The following TIMP3 variants were observed in gnomAD, a reference collection of about 807,000 sequenced individuals.
TIMP3 encodes the protein metalloproteinase inhibitor 3.
Under a neutral mutation model 30.0 loss-of-function variants are expected in TIMP3, and 11 were observed. The observed-to-expected ratio is 0.37, with a 90% CI of 0.23 to 0.61. The LOEUF (loss-of-function observed/expected upper bound fraction) is 0.61. Among genes scored for constraint, TIMP3 ranks in the 20% least tolerant of loss-of-function variants. TIMP3 has a pLI of 0.70. For synonymous variants in TIMP3, 112 were observed against 111.3 expected (o/e 1.01, Z -0.04); for missense variants, 181 against 276.8 (o/e 0.65, Z 2.45).
intron 2 of TIMP3, among the ~76,000 whole-genome samples, chr22:32,853,762 TTTTA>T (rs1293239934): frequency 6.6e-6 from 1 of 152,256 alleles, no homozygotes; most frequent in African/African-American, 2.4e-5. Flanking sequence ...CTAAGCTAAC[TTTTA>T]TTGAATGTTG....
intron 1 of TIMP3, among the ~76,000 whole-genome samples, chr22:32,848,423 C>G (rs1206386862): frequency 6.6e-6 from 1 of 152,172 alleles, no homozygotes; most frequent in Non-Finnish European, 1.5e-5. Context: ...GGTTTCACTT[C>G]TTGGTCTGTT....
At chr22:32,841,329 G>C (rs1192563673) in intron 1 of TIMP3, among the ~76,000 whole-genome samples, 1 of 152,172 alleles carries the variant, frequency 6.6e-6, no homozygotes, top group African/African-American at 2.4e-5. Context: ...CACAGTGTCA[G>C]GGGCCAAGGG....
chr22:32,847,460 A>G (rs917333897), intron 1 of TIMP3, among the ~76,000 whole-genome samples: 2 of 152,206 alleles, frequency 1.3e-5, no homozygotes, highest in Non-Finnish European at 2.9e-5. Flanking sequence ...GTGTTTTGCC[A>G]TCGCCGGCAG....
intron 1 of TIMP3, among the ~76,000 whole-genome samples, chr22:32,818,828 C>A (rs1157359000): frequency 6.6e-6 from 1 of 152,158 alleles, no homozygotes; most frequent in Non-Finnish European, 1.5e-5. Context: ...GCTCAGAGAC[C>A]AGGAGGAATC....
intron 1 of TIMP3, among the ~76,000 whole-genome samples, chr22:32,823,752 G>A (rs2047321709): frequency 1.3e-5 from 2 of 152,038 alleles, no homozygotes; most frequent in Admixed American, 1.3e-4. Context: ...GACTTGGAGT[G>A]AAAAGACGTG....
At chr22:32,803,495 A>G (rs1310267274) in intron 1 of TIMP3, among the ~76,000 whole-genome samples, 1 of 152,020 alleles carries the variant, frequency 6.6e-6, no homozygotes, top group Non-Finnish European at 1.5e-5. Flanking sequence ...CCCTTGTAAG[A>G]GGCTCCCTGG....
intron 1 of TIMP3, among the ~76,000 whole-genome samples, chr22:32,846,039 T>G (rs1351836705): frequency 6.6e-5 from 10 of 152,164 alleles, no homozygotes; most frequent in Admixed American, 6.5e-4. Flanking sequence ...AGAATCTATT[T>G]GGAGGGCAGA....
chr22:32,813,228 G>A (rs1189833118), intron 1 of TIMP3, among the ~76,000 whole-genome samples: 4 of 152,148 alleles, frequency 2.6e-5, no homozygotes, highest in Non-Finnish European at 5.9e-5. Flanking sequence ...TACTAAAAAT[G>A]ATTTCTTTAT....
intron 2 of TIMP3, among the ~76,000 whole-genome samples, chr22:32,852,006 A>G (rs567478811): frequency 7.7e-4 from 117 of 152,336 alleles, no homozygotes; most frequent in African/African-American, 2.6e-3. Context: ...GGATACAAAG[A>G]TAACACTGCT....
intron 1 of TIMP3, among the ~76,000 whole-genome samples, chr22:32,803,494 G>T (rs756302194): frequency 2.6e-5 from 4 of 152,140 alleles, no homozygotes; most frequent in Admixed American, 2.0e-4. Context: ...ACCCTTGTAA[G>T]AGGCTCCCTG....
At chr22:32,815,098 A>G (rs887107842) in intron 1 of TIMP3, among the ~76,000 whole-genome samples, 3 of 152,354 alleles carry the variant, frequency 2.0e-5, no homozygotes, top group East Asian at 3.9e-4. Context: ...AGTGGCCGCC[A>G]TGTTAATACT....
chr22:32,820,957 T>A (rs2047229665), intron 1 of TIMP3, among the ~76,000 whole-genome samples: 1 of 152,192 alleles, frequency 6.6e-6, no homozygotes, highest in Non-Finnish European at 1.5e-5. Context: ...TTAATTGGCT[T>A]CAAGGTCTCT....
Position 32,837,472 on chromosome 22 carries a change from C to A in TIMP3, c.122-11980C>A, listed in dbSNP as rs2047767913. Among the ~76,000 whole-genome samples the A allele has an allele frequency of 6.6e-6, 1 of 152,100 alleles. No individual in the cohort carries two copies. Among genetic ancestry groups the A allele is most frequent in the Non-Finnish European group, 1.5e-5 (1 of 68,030 alleles). On this transcript the variant is annotated intron_variant, in intron 1 of 4. Coordinates refer to ENST00000266085, the MANE Select transcript of TIMP3 (RefSeq NM_000362.5). The surrounding 1 kb of genome is among the most constrained non-coding windows in gnomAD (Gnocchi z 4.1). ...TCAGAGCACAGCACAGATGCCCAGC[C>A]AAAACACCCAGGGCGAAACCACTCC... is the stretch of plus-strand genomic sequence containing the variant.
intron 2 of TIMP3, among the ~76,000 whole-genome samples, chr22:32,856,694 T>C (rs1204535106): frequency 6.6e-6 from 1 of 152,234 alleles, no homozygotes; most frequent in Non-Finnish European, 1.5e-5. Context: ...ACTAGCTACT[T>C]TGAGATATAC....
chr22:32,836,546 C>A (rs1209522779), intron 1 of TIMP3, among the ~76,000 whole-genome samples: 1 of 152,210 alleles, frequency 6.6e-6, no homozygotes, highest in Non-Finnish European at 1.5e-5. Flanking sequence ...TCTCTTTAAT[C>A]ATTCCTCCGC....
chr22:32,807,399 A>ATAT (rs130273), intron 1 of TIMP3, among the ~76,000 whole-genome samples: 23 of 118,342 alleles, frequency 1.9e-4, no homozygotes, highest in Non-Finnish European at 2.3e-4. Flanking sequence ...TATATAATAT[A>ATAT]TATATATTAT....
chr22:32,829,024 C>T (rs1340600041), intron 1 of TIMP3, among the ~76,000 whole-genome samples: 3 of 152,162 alleles, frequency 2.0e-5, no homozygotes, highest in Non-Finnish European at 2.9e-5. Flanking sequence ...GACTACCAGC[C>T]TCCTCCCTAT....
chr22:32,823,578 A>C (rs923904480), intron 1 of TIMP3, among the ~76,000 whole-genome samples: 1 of 152,110 alleles, frequency 6.6e-6, no homozygotes, highest in Non-Finnish European at 1.5e-5. Flanking sequence ...CACCAGCAGG[A>C]ATAGCAATTG....
chr22:32,853,927 A>G (rs1298118012), intron 2 of TIMP3, among the ~76,000 whole-genome samples: 1 of 152,054 alleles, frequency 6.6e-6, no homozygotes, highest in African/African-American at 2.4e-5. Flanking sequence ...GAAGATTCAA[A>G]CTCTGGCTGT....
Sources: allele counts gnomAD v4.1 joint callset (sites outside exome capture counted in the v4.1 genomes callset), GRCh38; gene constraint gnomAD v4.1.1; non-coding constraint Gnocchi (gnomAD v3.1); transcripts MANE v1.5; gene names NCBI Gene and HGNC (gene_info 2026-07-23, HGNC 2026-07-21).